Variants in LDLRAD3 observed in about 807,000 individuals in gnomAD.
LDLRAD3 encodes low-density lipoprotein receptor class A domain-containing protein 3.
Under a neutral mutation model 29.4 loss-of-function variants are expected in LDLRAD3, and 20 were observed. The observed-to-expected ratio is 0.68, with a 90% CI of 0.48 to 0.99. The LOEUF (loss-of-function observed/expected upper bound fraction) is 0.99, where lower values mean the gene tolerates loss of function less well. LDLRAD3 is among the 50% of genes least tolerant of loss of function. LDLRAD3 has a pLI of 0.00. For missense variants in LDLRAD3, 420 were observed against 454.3 expected (o/e 0.92, Z 0.69); for synonymous variants, 157 against 192.7 (o/e 0.81, Z 1.53).
chr11:36,000,605 T>A (rs1425961584), intron 1 of LDLRAD3, among the ~76,000 whole-genome samples: 1 of 152,210 alleles, frequency 6.6e-6, no homozygotes, highest in East Asian at 1.9e-4. Context: ...AAATATTTAA[T>A]GCTGTTAAAC....
intron 1 of LDLRAD3, among the ~76,000 whole-genome samples, chr11:35,993,457 A>G (rs1005522306): frequency 3.9e-5 from 6 of 152,184 alleles, no homozygotes; most frequent in African/African-American, 1.4e-4. Context: ...GAGTAAAAAC[A>G]TTAGAAATTT....
At chr11:36,191,624 GCA>G (rs1489513962) in intron 4 of LDLRAD3, among the ~76,000 whole-genome samples, 3 of 54,738 alleles carry the variant, frequency 5.5e-5, no homozygotes, top group Non-Finnish European at 1.1e-4. Flanking sequence ...ACACACACAC[GCA>G]CGCACGCACG....
chr11:36,228,343 C>T (rs915738193), intron 5 of LDLRAD3, among the ~76,000 whole-genome samples: 4 of 152,190 alleles, frequency 2.6e-5, no homozygotes, highest in Non-Finnish European at 5.9e-5. Context: ...ACCTTCCTCA[C>T]CTAATAAAGT....
intron 5 of LDLRAD3, among the ~76,000 whole-genome samples, chr11:36,228,882 C>T (rs746456577): frequency 2.0e-5 from 3 of 152,098 alleles, no homozygotes; most frequent in Admixed American, 6.6e-5. Context: ...CAGGTTGAGC[C>T]GAGGGACTTG....
intron 4 of LDLRAD3, among the ~76,000 whole-genome samples, chr11:36,129,047 G>A (rs934804616): frequency 1.3e-5 from 2 of 152,070 alleles, no homozygotes; most frequent in Non-Finnish European, 2.9e-5. Flanking sequence ...AGAAGTACAG[G>A]TCTCAATACT....
chr11:36,023,433 A>T (rs916295225), intron 1 of LDLRAD3, among the ~76,000 whole-genome samples: 2 of 152,186 alleles, frequency 1.3e-5, no homozygotes, highest in Non-Finnish European at 1.5e-5. Context: ...ATTGGGTCTC[A>T]TCTGGGAGCT....
At chr11:36,068,276 GCA>G (rs1852830194) in intron 2 of LDLRAD3, among the ~76,000 whole-genome samples, 1 of 152,158 alleles carries the variant, frequency 6.6e-6, no homozygotes, top group South Asian at 2.1e-4. Flanking sequence ...TATGTGTAAA[GCA>G]ATTTGTAGAA....
chr11:35,987,715 G>A (rs566561603), intron 1 of LDLRAD3, among the ~76,000 whole-genome samples: 28 of 152,140 alleles, frequency 1.8e-4, no homozygotes, highest in Non-Finnish European at 3.5e-4. Flanking sequence ...ATGGTGCTAC[G>A]TTGAACATAC....
rs568942838 is a variant in LDLRAD3, at chr11:36,075,505, C to CA, written c.194-6146dup. 5.4e-3 allele frequency among the ~76,000 whole-genome samples: 826 copies of CA among 152,284 alleles called. 4 individuals are homozygous for CA. The highest frequency in any genetic ancestry group is 0.017 in the Middle Eastern group (5 of 294). Reference sequence around the variant, plus strand: ...GGTATCTACCAAGTTTCTCCACTGTCAAGTTACTATTTTTCTCTTTGTAAT... The same window carrying CA: ...GGTATCTACCAAGTTTCTCCACTGTCAAAGTTACTATTTTTCTCTTTGTAAT... On this transcript the variant is annotated intron_variant, in intron 2 of 5. Coordinates refer to ENST00000315571, the MANE Select transcript of LDLRAD3 (RefSeq NM_174902.4).
chr11:36,042,201 G>A (rs1049953910), intron 2 of LDLRAD3, among the ~76,000 whole-genome samples: 8 of 152,116 alleles, frequency 5.3e-5, no homozygotes, highest in African/African-American at 1.9e-4. Context: ...CTGCCTCTAG[G>A]TGGTGCCACA....
intron 4 of LDLRAD3, among the ~76,000 whole-genome samples, chr11:36,100,107 A>G (rs1241613948): frequency 6.6e-6 from 1 of 152,044 alleles, no homozygotes; most frequent in Non-Finnish European, 1.5e-5. Context: ...CCCGTTCTAG[A>G]TCAGCTAAAT....
At chr11:36,193,612 G>T (rs1019666106) in intron 4 of LDLRAD3, among the ~76,000 whole-genome samples, 3 of 151,982 alleles carry the variant, frequency 2.0e-5, no homozygotes. Flanking sequence ...AGATGTTGTC[G>T]CATGCCCCTC....
rs558484861 is a variant in LDLRAD3, at chr11:36,159,393, C to T, written c.454+60932C>T. On this transcript the variant is annotated intron_variant, in intron 4 of 5. Transcript: ENST00000315571. Reference sequence around the variant, plus strand: ...CCGAGGTGGGAGGATCACCTGAGCTCGGGAGGTTGATTCTGCGGTGAGCCG... The same window carrying T: ...CCGAGGTGGGAGGATCACCTGAGCTTGGGAGGTTGATTCTGCGGTGAGCCG... Among the ~76,000 whole-genome samples, 63 of 151,322 alleles carry T rather than the reference C, an allele frequency of 4.2e-4. No individual in the cohort carries two copies. The South Asian group carries it at 4.6e-3, about 11-fold the overall frequency.
chr11:36,036,154 G>A lies in LDLRAD3; in HGVS notation c.98G>A (p.Gly33Asp). Residue 33 changes from glycine (G) to aspartate (D), a missense_variant, in exon 2 of 6, where the codon GGC (glycine) becomes GAC (aspartate). Transcript: ENST00000315571. Reference protein sequence around the residue: ...NNFTNECNIPGNFMCSNGRCI... With the variant: ...NNFTNECNIPDNFMCSNGRCI... ...TTCACCAATGAGTGCAACATACCAG[G>A]CAACTTCATGTGCAGCAATGGACGG... 1 of 1,614,142 alleles carries A rather than the reference G, an allele frequency of 6.2e-7. No homozygotes were observed. The highest frequency in any genetic ancestry group is 8.5e-7 in the Non-Finnish European group (1 of 1,180,024).
chr11:36,227,423 G>T lies in LDLRAD3; in HGVS notation c.793G>T (p.Asp265Tyr). The part of the protein sequence containing the change: ...SPPSYSEALL[D>Y]QRPAWYDLPP... Reference sequence around the variant, plus strand: ...ACCCTCCTACTCCGAGGCCTTGCTGGACCAGAGGTGTGTGCTGGATGGAAG... The same window carrying T: ...ACCCTCCTACTCCGAGGCCTTGCTGTACCAGAGGTGTGTGCTGGATGGAAG... Residue 265 changes from aspartate to tyrosine, a missense_variant, in exon 5 of 6, where the codon GAC (aspartate) becomes TAC (tyrosine). Physicochemically the swap from Asp to Tyr is radical, Grantham distance 160. Around this residue, in one of 3 missense-constraint regions of LDLRAD3, gnomAD observed 140 missense variants for 139.9 expected, o/e 1.00. Transcript: ENST00000315571. 6.4e-7 allele frequency: 1 copy of T among 1,571,472 alleles called. No homozygotes were observed.
chr11:35,982,615 G>GT, intron 1 of LDLRAD3, among the ~76,000 whole-genome samples: 1 of 152,224 alleles, frequency 6.6e-6, no homozygotes, highest in Admixed American at 6.5e-5. Context: ...TGCCCAGAAG[G>GT]TGTGCCTTTT....
At chr11:35,948,027 C>G (rs117348846) in intron 1 of LDLRAD3, among the ~76,000 whole-genome samples, 34 of 152,264 alleles carry the variant, frequency 2.2e-4, no homozygotes, top group African/African-American at 7.9e-4. Context: ...CAGACTAACT[C>G]TGGTCCTTTT....
At position 36,229,244 on chromosome 11, in the gene LDLRAD3, C is replaced by T; in HGVS notation, c.885C>T (p.Ser295=). 6.2e-7 allele frequency: 1 copy of T among 1,614,156 alleles called. No individual in the cohort carries two copies. The highest frequency in any genetic ancestry group is 8.5e-7 in the Non-Finnish European group (1 of 1,180,016). ...AAGCCGACCTGCCCCCCTACCGCTCCCGGTCCGGGAGTGCCAACAGTGCCA... is the reference window on the plus strand; with the variant it reads ...AAGCCGACCTGCCCCCCTACCGCTCTCGGTCCGGGAGTGCCAACAGTGCCA... The part of the protein sequence containing the change: ...LNQADLPPYR[S]RSGSANSASS... Residue 295 remains serine (S), a synonymous_variant, in exon 6 of 6, where the codon TCC becomes TCT. Coordinates refer to ENST00000315571, the MANE Select transcript of LDLRAD3 (RefSeq NM_174902.4).
At chr11:36,139,876 C>T (rs1055078570) in intron 4 of LDLRAD3, among the ~76,000 whole-genome samples, 1 of 152,172 alleles carries the variant, frequency 6.6e-6, no homozygotes, top group African/African-American at 2.4e-5. Context: ...GGCTTGGCAG[C>T]AGGAATCCAG....
Sources: allele counts gnomAD v4.1 joint callset (sites outside exome capture counted in the v4.1 genomes callset), GRCh38; gene constraint gnomAD v4.1.1; regional missense constraint gnomAD v4.1.1; transcripts MANE v1.5; gene names NCBI Gene and HGNC (gene_info 2026-07-23, HGNC 2026-07-21).